RBFOX2: variants seen among roughly 807,000 people sequenced by gnomAD.
The protein encoded by RBFOX2 is RNA binding protein fox-1 homolog 2.
RBFOX2 carries 10 observed loss-of-function variants against 49.1 expected under a neutral mutation model. That is an observed-to-expected ratio of 0.20 (90% CI 0.13 to 0.35). RBFOX2 has a LOEUF of 0.35. RBFOX2 is among the 10% of genes least tolerant of loss of function. The pLI, the probability that RBFOX2 is intolerant of heterozygous loss-of-function variation, is 1.00. For missense variants in RBFOX2, 323 were observed against 486.9 expected (o/e 0.66, Z 3.17); for synonymous variants, 183 against 187.4 (o/e 0.98, Z 0.19).
intron 1 of RBFOX2, among the ~76,000 whole-genome samples, chr22:35,946,310 T>C (rs1044169795): frequency 1.3e-5 from 2 of 152,220 alleles, no homozygotes; most frequent in Non-Finnish European, 2.9e-5. Context: ...ATTACAGATA[T>C]ATGTAACTCC....
At chr22:35,982,861 A>G (rs1447395008) in intron 1 of RBFOX2, among the ~76,000 whole-genome samples, 4 of 151,862 alleles carry the variant, frequency 2.6e-5, no homozygotes, top group Admixed American at 6.6e-5. Flanking sequence ...CAGCAACAAG[A>G]GAGTGTGGCC....
chr22:35,950,976 T>C (rs1339290561), intron 1 of RBFOX2, among the ~76,000 whole-genome samples: 4 of 148,090 alleles, frequency 2.7e-5, no homozygotes, highest in African/African-American at 1.0e-4. Context: ...TTTTTGGAGA[T>C]AGAGTCTCAC....
At chr22:35,875,469 C>G (rs1473072852) in intron 1 of RBFOX2, among the ~76,000 whole-genome samples, 1 of 152,128 alleles carries the variant, frequency 6.6e-6, no homozygotes, top group Admixed American at 6.5e-5. Flanking sequence ...CCTAAAGGTA[C>G]CTACAGGTAG....
At chr22:35,913,794 T>C (rs758906010) in intron 1 of RBFOX2, among the ~76,000 whole-genome samples, 4 of 151,924 alleles carry the variant, frequency 2.6e-5, no homozygotes, top group African/African-American at 4.8e-5. Flanking sequence ...GATATTTACC[T>C]GATAATCACA....
At chr22:35,823,116 C>T (rs950914404) in intron 1 of RBFOX2, among the ~76,000 whole-genome samples, 1 of 152,150 alleles carries the variant, frequency 6.6e-6, no homozygotes, top group Admixed American at 6.5e-5. Context: ...CCACCGCATC[C>T]GGCCTTGTTT....
chr22:35,821,358 T>C (rs566223160), intron 1 of RBFOX2, among the ~76,000 whole-genome samples: 55 of 152,010 alleles, frequency 3.6e-4, no homozygotes, highest in African/African-American at 1.1e-3. Flanking sequence ...TCCCAGCACT[T>C]TGGGAGGCCA....
intron 1 of RBFOX2, chr22:35,897,442 C>T (rs1960073491): frequency 1.2e-6 from 1 of 849,194 alleles, no homozygotes; most frequent in Non-Finnish European, 2.1e-6. Flanking sequence ...ATACGCTCCA[C>T]TTTATCCCTT....
At chr22:35,923,945 C>CA (rs11295577) in intron 1 of RBFOX2, among the ~76,000 whole-genome samples, 4,154 of 133,940 alleles carry the variant, frequency 0.031, 77 homozygotes, top group Non-Finnish European at 0.042. Flanking sequence ...AAGTAAAATG[C>CA]AAAAAAAAAA....
chr22:35,951,241 CTTTTTTTTTTTT>C (rs1208551684), intron 1 of RBFOX2, among the ~76,000 whole-genome samples: 2 of 78,332 alleles, frequency 2.6e-5, no homozygotes, highest in Non-Finnish European at 4.6e-5. Flanking sequence ...GCACCCGGCC[CTTTTTTTTTTTT>C]TTTTTTTTTT....
chr22:35,801,125 G>A (rs1949706311), intron 2 of RBFOX2, among the ~76,000 whole-genome samples: 1 of 152,084 alleles, frequency 6.6e-6, no homozygotes, highest in African/African-American at 2.4e-5. Flanking sequence ...ATCCCAAAGG[G>A]ATATTTTATA....
At chr22:35,755,584 G>C (rs1284771760) in intron 9 of RBFOX2, among the ~76,000 whole-genome samples, 2 of 152,172 alleles carry the variant, frequency 1.3e-5, no homozygotes, top group East Asian at 3.8e-4. Context: ...ACAAGGTCAT[G>C]TTCTCTCAAA....
intron 11 of RBFOX2, among the ~76,000 whole-genome samples, chr22:35,745,332 T>C (rs978212726): frequency 2.0e-5 from 3 of 152,182 alleles, no homozygotes; most frequent in African/African-American, 7.2e-5. Context: ...AGTGAGGTGG[T>C]TGGTCAGAAG....
intron 1 of RBFOX2, among the ~76,000 whole-genome samples, chr22:35,886,880 G>A (rs2046652624): frequency 6.6e-6 from 1 of 152,188 alleles, no homozygotes; most frequent in South Asian, 2.1e-4. Context: ...AGTTAGTGAA[G>A]TAAGACTACA....
intron 1 of RBFOX2, among the ~76,000 whole-genome samples, chr22:35,885,499 G>A (rs2046440323): frequency 6.6e-6 from 1 of 152,192 alleles, no homozygotes; most frequent in South Asian, 2.1e-4. Flanking sequence ...CATATGGCAG[G>A]CTAATGACTA....
At position 35,879,436 on chromosome 22, in the gene RBFOX2, T is replaced by C. The variant is rs553727374; in HGVS notation, c.-34+59411A>G. Among the ~76,000 whole-genome samples, 14 of 152,356 alleles carry C rather than the reference T, an allele frequency of 9.2e-5. No individual in the cohort carries two copies. In the South Asian group the frequency reaches 2.7e-3, roughly 29 times the overall value. ...TATACAGAAGAATATGTGTAGGTTA[T>C]ATGCAAATGCCACACTATTTTATAT... On this transcript the variant is annotated intron_variant, in intron 1 of 13. Coordinates refer to the RBFOX2 transcript ENST00000359369.
At chr22:35,843,228 T>C (rs2040735450), upstream of RBFOX2, among the ~76,000 whole-genome samples, 1 of 152,116 alleles carries the variant, frequency 6.6e-6, no homozygotes, top group Non-Finnish European at 1.5e-5. Flanking sequence ...GGACATTTCC[T>C]GTATGTGTGT....
intron 1 of RBFOX2, among the ~76,000 whole-genome samples, chr22:35,959,784 C>G (rs1037979766): frequency 6.6e-6 from 1 of 152,176 alleles, no homozygotes; most frequent in Admixed American, 6.5e-5. Flanking sequence ...AGGTTGACTT[C>G]AATACAGTCA....
chr22:35,978,244 A>G (rs909729953), intron 1 of RBFOX2, among the ~76,000 whole-genome samples: 1 of 152,226 alleles, frequency 6.6e-6, no homozygotes, highest in East Asian at 1.9e-4. Flanking sequence ...TCATGATTTT[A>G]TAATATAAAA....
chr22:35,999,144 T>C (rs2058308361), intron 1 of RBFOX2: 2 of 152,176 alleles, frequency 1.3e-5, no homozygotes, highest in Non-Finnish European at 1.5e-5. Flanking sequence ...GGTCAGAATG[T>C]ATTCAACTCA....
Sources: gnomAD v4.1 joint callset for allele counts (sites outside exome capture counted in the v4.1 genomes callset) on GRCh38, gnomAD v4.1.1 for gene constraint, MANE v1.5 for transcripts, NCBI Gene and HGNC (gene_info 2026-07-23, HGNC 2026-07-21) for gene names.